Variants in FRMD5 observed in about 807,000 individuals in gnomAD.
The protein encoded by FRMD5 is FERM domain containing 5.
A neutral mutation model predicts 69.0 loss-of-function variants in FRMD5; 20 were observed. The ratio of observed to expected loss-of-function variants is 0.29; its 90% CI spans 0.20 to 0.42. The LOEUF is 0.42. FRMD5 is among the 10% of genes least tolerant of loss of function. The probability of loss-of-function intolerance (pLI) is 1.00; values close to 1 mark genes in which losing one functional copy is unlikely to be tolerated. For missense variants in FRMD5, 595 were observed against 708.6 expected (o/e 0.84, Z 1.82); for synonymous variants, 271 against 260.1 (o/e 1.04, Z -0.40).
intron 1 of FRMD5, among the ~76,000 whole-genome samples, chr15:44,022,435 G>T (rs1243189411): frequency 1.3e-5 from 2 of 150,858 alleles, no homozygotes; most frequent in Admixed American, 1.3e-4. Context: ...TTAGTTGGGC[G>T]TGGTGGCATG....
intron 1 of FRMD5, among the ~76,000 whole-genome samples, chr15:44,008,905 A>T (rs1395846758): frequency 6.6e-6 from 1 of 152,136 alleles, no homozygotes; most frequent in African/African-American, 2.4e-5. Flanking sequence ...AGGCGCCTGT[A>T]GTCCCAGCTA....
intron 1 of FRMD5, among the ~76,000 whole-genome samples, chr15:44,079,360 A>C (rs1175862187): frequency 1.3e-5 from 2 of 152,154 alleles, no homozygotes; most frequent in Admixed American, 1.3e-4. Context: ...GGAAAATAGT[A>C]TAGTGGCTCC....
intron 1 of FRMD5, among the ~76,000 whole-genome samples, chr15:44,092,651 C>T (rs961332654): frequency 6.6e-6 from 1 of 152,184 alleles, no homozygotes; most frequent in Non-Finnish European, 1.5e-5. Context: ...CTACTGCACC[C>T]TTGCCCTCTG....
intron 1 of FRMD5, among the ~76,000 whole-genome samples, chr15:44,050,528 CTTTTTTTTTTT>C (rs34133842): frequency 1.1e-4 from 10 of 93,758 alleles, no homozygotes; most frequent in African/African-American, 3.5e-4. Flanking sequence ...GCCTGGCTCC[CTTTTTTTTTTT>C]TTTTTTTTTT....
rs1555465063 is a variant in FRMD5 at position 43,873,360 on chromosome 15, T to TAA, written c.*523_*524dup. 26 of 1,468,484 alleles carry TAA rather than the reference T, an allele frequency of 1.8e-5. No individual in the cohort carries two copies. The highest frequency in any genetic ancestry group is 2.3e-5 in the Non-Finnish European group (26 of 1,117,704). 91.0% of individuals were successfully genotyped at this position (1,468,484 alleles called of 1,614,324 possible). On this transcript the variant is annotated 3_prime_UTR_variant, in exon 14 of 14. Transcript: ENST00000417257. The stretch of plus-strand genomic sequence containing the variant: ...CTGGCAAAAAAAACAAACAAAAAAC[T>TAA]AAACAGTCCCCATTGTCCAGATCCC...
intron 1 of FRMD5, among the ~76,000 whole-genome samples, chr15:44,019,493 TG>T (rs992935308): frequency 6.6e-6 from 1 of 150,518 alleles, no homozygotes; most frequent in African/African-American, 2.4e-5. Flanking sequence ...CTCAACACTT[TG>T]CAAGGCCGAG....
chr15:43,977,155 G>A (rs2412846), intron 1 of FRMD5, among the ~76,000 whole-genome samples: 14,834 of 152,066 alleles, frequency 0.098, 1,276 homozygotes, highest in African/African-American at 0.23. Context: ...TTTCTATAGG[G>A]GAGGGGTTGG....
intron 1 of FRMD5, among the ~76,000 whole-genome samples, chr15:44,105,506 C>A (rs1026216571): frequency 6.6e-6 from 1 of 152,176 alleles, no homozygotes; most frequent in Admixed American, 6.5e-5. Flanking sequence ...GTGGGAAATA[C>A]ATTTCTGTTC....
At position 44,030,522 on chromosome 15, in the gene FRMD5, T is replaced by A. The variant is rs1047940204; in HGVS notation, c.103-106213A>T. Among the ~76,000 whole-genome samples the A allele has an allele frequency of 3.3e-5, 5 of 152,334 alleles. No homozygotes were observed. The South Asian group carries it at 1.0e-3, about 32-fold the overall frequency. On this transcript the variant is annotated intron_variant, in intron 1 of 13. Transcript: ENST00000417257. Reference sequence around the variant, plus strand: ...ATAAAGCGAACAGGGATTGACTCAGTGAAACTTCTAGCTTCCTGTAAACTT... The same window carrying A: ...ATAAAGCGAACAGGGATTGACTCAGAGAAACTTCTAGCTTCCTGTAAACTT...
intron 1 of FRMD5, among the ~76,000 whole-genome samples, chr15:43,971,510 C>G (rs1050908847): frequency 1.3e-5 from 2 of 150,390 alleles, no homozygotes; most frequent in Non-Finnish European, 3.0e-5. Flanking sequence ...ATGGCGAAAC[C>G]CCATCTCTAC....
At chr15:44,004,158 G>A (rs1353316842) in intron 1 of FRMD5, among the ~76,000 whole-genome samples, 1 of 152,170 alleles carries the variant, frequency 6.6e-6, no homozygotes, top group Non-Finnish European at 1.5e-5. Context: ...TCTCCAAGAG[G>A]AATGTGTCCT....
intron 1 of FRMD5, among the ~76,000 whole-genome samples, chr15:44,127,779 G>A (rs2077043442): frequency 6.6e-6 from 1 of 152,122 alleles, no homozygotes; most frequent in African/African-American, 2.4e-5. Context: ...GGCTGAGGTG[G>A]GAGGGCCGCT....
intron 10 of FRMD5, 27 bp from the exon 11 acceptor site, chr15:43,885,782 TAGAC>T (rs765077809): frequency 5.0e-6 from 8 of 1,595,550 alleles, no homozygotes; most frequent in Admixed American, 5.0e-5. Context: ...TCCAGTGTGA[TAGAC>T]AGCCTGAACT....
chr15:44,186,743 T>C (rs2078108792), intron 1 of FRMD5, among the ~76,000 whole-genome samples: 1 of 152,228 alleles, frequency 6.6e-6, no homozygotes, highest in African/African-American at 2.4e-5. Flanking sequence ...CTATCCCTTC[T>C]TTTTCTCCTT....
intron 1 of FRMD5, among the ~76,000 whole-genome samples, chr15:44,117,430 A>G (rs2076884577): frequency 6.6e-6 from 1 of 152,168 alleles, no homozygotes; most frequent in Non-Finnish European, 1.5e-5. Context: ...TCTAATAAAG[A>G]GTTGGGGAGG....
At chr15:44,028,515 C>G (rs971691197) in intron 1 of FRMD5, among the ~76,000 whole-genome samples, 1 of 152,232 alleles carries the variant, frequency 6.6e-6, no homozygotes, top group African/African-American at 2.4e-5. Flanking sequence ...TGCACAGAAA[C>G]AGTGACTCAG....
intron 1 of FRMD5, among the ~76,000 whole-genome samples, chr15:43,996,573 T>C (rs921629389): frequency 6.6e-6 from 1 of 152,114 alleles, no homozygotes; most frequent in Non-Finnish European, 1.5e-5. Flanking sequence ...TTTACATTGA[T>C]ATTTCTGTGA....
intron 1 of FRMD5, among the ~76,000 whole-genome samples, chr15:44,105,979 A>G (rs1413322588): frequency 6.6e-6 from 1 of 152,160 alleles, no homozygotes; most frequent in East Asian, 1.9e-4. Flanking sequence ...TATATACTTT[A>G]TCTTTCTGGG....
chr15:43,995,932 C>T (rs1889900198), intron 1 of FRMD5, among the ~76,000 whole-genome samples: 1 of 152,024 alleles, frequency 6.6e-6, no homozygotes, highest in African/African-American at 2.4e-5. Flanking sequence ...CCTGGATCTG[C>T]TAGAACAGGG....
Sources: gnomAD v4.1 joint callset for allele counts (sites outside exome capture counted in the v4.1 genomes callset) on GRCh38, gnomAD v4.1.1 for gene constraint, MANE v1.5 for transcripts, NCBI Gene and HGNC (gene_info 2026-07-23, HGNC 2026-07-21) for gene names.